Variants in TNNC2 observed in about 807,000 individuals in gnomAD.
TNNC2 encodes the protein troponin C, skeletal muscle.
Under a neutral mutation model 20.0 loss-of-function variants are expected in TNNC2, and 14 were observed. The observed-to-expected ratio is 0.70, with a 90% CI of 0.46 to 1.09. TNNC2 has a LOEUF of 1.09. TNNC2 is among the 50% of genes least tolerant of loss of function. TNNC2 has a pLI of 0.00. For missense variants in TNNC2, 163 were observed against 223.8 expected, an observed-to-expected ratio of 0.73 and a Z score of 1.73; for synonymous variants, 81 against 77.3, an observed-to-expected ratio of 1.05 and a Z score of -0.25.
chr20:45,824,414 C>T lies in TNNC2; in HGVS notation c.200-8G>A, dbSNP rs774354934. 6.2e-7 allele frequency: 1 copy of T among 1,610,724 alleles called. No homozygotes were observed. The highest frequency in any genetic ancestry group is 1.1e-5 in the South Asian group (1 of 91,080). On this transcript the variant is annotated splice_region_variant and splice_polypyrimidine_tract_variant and intron_variant, in intron 3 of 5. Transcript: ENST00000372555. ...AGTCGATGGTGCCGCTGCCTGCGGG[C>T]AGCAGGTGGCAGACTGAGCCTGAGC...
intron 2 of TNNC2, chr20:45,833,178 AAGAAAGAAAGAGAGAGAG>A (rs1239129489): frequency 5.3e-5 from 8 of 150,696 alleles, no homozygotes; most frequent in Non-Finnish European, 8.8e-5. Flanking sequence ...GAGAGAGAGA[AAGAAAGAAAGAGAGAGAG>A]AGAAAGAAAG....
At chr20:45,827,410 G>A (rs1046017631), upstream of TNNC2, 80 of 870,108 alleles carry the variant, frequency 9.2e-5, 1 homozygote, top group Middle Eastern at 1.1e-3. Flanking sequence ...CAGATCCTGG[G>A]GTCAGCGAGT....
chr20:45,832,868 G>A (rs1357165540), intron 2 of TNNC2, among the ~76,000 whole-genome samples: 1 of 152,224 alleles, frequency 6.6e-6, no homozygotes, highest in Non-Finnish European at 1.5e-5. Context: ...CAGGGGACCT[G>A]GGCTCCAGGC....
At chr20:45,824,451 C>T (rs1402074923) in intron 3 of TNNC2, 44 bp downstream of exon 3, 11 of 1,611,838 alleles carry the variant, frequency 6.8e-6, no homozygotes, top group Admixed American at 1.7e-5. Context: ...CAGCCGCTGC[C>T]GCCTCTCCCC....
At chr20:45,824,244 G>C (rs1245386560) in intron 4 of TNNC2, 48 bp downstream of exon 4, 2 of 1,603,722 alleles carry the variant, frequency 1.2e-6, no homozygotes, top group Non-Finnish European at 1.7e-6. Flanking sequence ...CTGCCGGCCG[G>C]GTTCTGACTG....
intron 1 of TNNC2, among the ~76,000 whole-genome samples, chr20:45,825,544 G>A (rs1019273305): frequency 3.9e-5 from 6 of 151,956 alleles, no homozygotes; most frequent in African/African-American, 1.2e-4. Flanking sequence ...CGCCCACCTC[G>A]GCTTCCCAAA....
upstream of TNNC2, among the ~76,000 whole-genome samples, chr20:45,829,518 G>A (rs1425773611): frequency 2.0e-5 from 3 of 151,722 alleles, no homozygotes; most frequent in African/African-American, 7.3e-5. Flanking sequence ...GGTGGCTCAG[G>A]CCTGTAATCC....
chr20:45,829,251 G>A (rs1489180545), upstream of TNNC2, among the ~76,000 whole-genome samples: 3 of 140,798 alleles, frequency 2.1e-5, no homozygotes, highest in African/African-American at 5.3e-5. Context: ...CACAACCTCC[G>A]CCTCTTGGGT....
chr20:45,824,705 CA>C (rs3215588), intron 2 of TNNC2, 67 bp from the exon 3 acceptor site: 55,165 of 1,562,978 alleles, frequency 0.035, 1,381 homozygotes, highest in African/African-American at 0.18. Context: ...TACCCCCCCC[CA>C]ACCCCCACCC....
At position 45,827,249 on chromosome 20, in the gene TNNC2, G is replaced by A. The variant is rs1240108226; in HGVS notation, c.-1C>T. On this transcript the variant is annotated 5_prime_UTR_variant, in exon 1 of 6. Transcript: ENST00000372555. ...CAAAGTCCCCTCTTGTCCTTACCAT[G>A]GTTGCTGGTGACCGGGACTCCTCTG... The A allele has an allele frequency of 6.2e-7, 1 of 1,614,086 alleles. No homozygotes were observed. Among genetic ancestry groups the A allele is most frequent in the South Asian group, 1.1e-5 (1 of 91,084 alleles).
At position 45,824,703 on chromosome 20, in the gene TNNC2, C is replaced by T. The variant is rs372161203; in HGVS notation, c.56-65G>A. The T allele has an allele frequency of 1.2e-3, 1,902 of 1,579,282 alleles. 23 individuals are homozygous for T. The African/African-American group carries it at 0.023, about 19-fold the overall frequency. ...ACTGTCAGCCTCACACCTACCCCCC[C>T]CCAACCCCCACCCTGCCTAGAGGCC... On this transcript the variant is annotated intron_variant, in intron 2 of 5. Transcript: ENST00000372555.
At chr20:45,826,532 C>T (rs1415011023) in intron 1 of TNNC2, among the ~76,000 whole-genome samples, 1 of 152,218 alleles carries the variant, frequency 6.6e-6, no homozygotes, top group Non-Finnish European at 1.5e-5. Flanking sequence ...AGGAGCTCTT[C>T]AGCCAGCTGG....
chr20:45,829,442 G>A (rs2145729279), upstream of TNNC2, among the ~76,000 whole-genome samples: 1 of 151,956 alleles, frequency 6.6e-6, no homozygotes, highest in Middle Eastern at 3.4e-3. Flanking sequence ...GGGATTACAG[G>A]TGTGAGCTAC....
At chr20:45,829,932 T>A (rs8116061), upstream of TNNC2, among the ~76,000 whole-genome samples, 101,974 of 151,662 alleles carry the variant, frequency 0.67, 34,392 homozygotes, top group Admixed American at 0.74. Context: ...ATTCAAGGGA[T>A]TAGGTAAGGC....
intron 1 of TNNC2, among the ~76,000 whole-genome samples, 160 bp from the exon 2 acceptor site, chr20:45,824,994 A>G (rs1568720609): frequency 1.3e-5 from 2 of 152,112 alleles, no homozygotes; most frequent in African/African-American, 2.4e-5. Flanking sequence ...ACAGCACCCA[A>G]TCACAGTTTT....
Position 45,824,642 on chromosome 20 carries a change from CGAG to C in TNNC2, c.56-7_56-5del. 5.0e-6 allele frequency: 8 copies of C among 1,608,212 alleles called. No individual in the cohort carries two copies. The highest frequency in any genetic ancestry group is 6.8e-6 in the Non-Finnish European group (8 of 1,179,612). Reference sequence around the variant, plus strand: ...ATGTCAAAGGCAGCCTTGAACTCTGCGAGGGAGGGCAGAGGGCAGAGGTGAGGC... The same window carrying C: ...ATGTCAAAGGCAGCCTTGAACTCTGCGGAGGGCAGAGGGCAGAGGTGAGGC... On this transcript the variant is annotated splice_polypyrimidine_tract_variant and splice_region_variant and intron_variant, in intron 2 of 5. Transcript: ENST00000372555.
chr20:45,823,976 C>T lies in TNNC2; in HGVS notation c.451+15G>A, dbSNP rs1982878649. ...GGCTCCCACCCGCTCTTCCCAAGCT[C>T]CCGTTGGCCCTCACCGTCGAAGTCA... is the stretch of plus-strand genomic sequence containing the variant. On this transcript the variant is annotated intron_variant, in intron 5 of 5. Coordinates refer to ENST00000372555, the MANE Select transcript of TNNC2 (RefSeq NM_003279.3). The surrounding 1 kb of genome is among the most constrained non-coding windows in gnomAD (Gnocchi z 4.6). The T allele has an allele frequency of 2.5e-6, 4 of 1,613,944 alleles. No individual in the cohort carries two copies. The East Asian group carries it at 8.9e-5, about 36-fold the overall frequency.
At chr20:45,832,866 C>G (rs1233728738) in intron 2 of TNNC2, among the ~76,000 whole-genome samples, 1 of 152,194 alleles carries the variant, frequency 6.6e-6, no homozygotes, top group Non-Finnish European at 1.5e-5. Flanking sequence ...AGCAGGGGAC[C>G]TGGGCTCCAG....
intron 3 of TNNC2, 39 bp from the exon 4 acceptor site, chr20:45,824,445 C>T (rs1237338175): frequency 1.9e-6 from 3 of 1,611,620 alleles, no homozygotes; most frequent in Non-Finnish European, 2.5e-6. Context: ...TGAGCCCAGC[C>T]GCTGCCGCCT....
Sources: gnomAD v4.1 joint callset for allele counts (sites outside exome capture counted in the v4.1 genomes callset) on GRCh38, gnomAD v4.1.1 for gene constraint, Gnocchi (gnomAD v3.1) non-coding constraint, MANE v1.5 for transcripts, NCBI Gene and HGNC (gene_info 2026-07-23, HGNC 2026-07-21) for gene names.